Variants in ALDH1A2 observed in about 807,000 individuals in gnomAD.
ALDH1A2 encodes aldehyde dehydrogenase 1 family member A2, also known as retinal dehydrogenase 2.
A neutral mutation model predicts 60.3 loss-of-function variants in ALDH1A2; 27 were observed. That is an observed-to-expected ratio of 0.45 (90% CI 0.33 to 0.62). The LOEUF (loss-of-function observed/expected upper bound fraction) is 0.62, where lower values mean the gene tolerates loss of function less well. Among genes scored for constraint, ALDH1A2 ranks in the 20% least tolerant of loss-of-function variants. The pLI, the probability that ALDH1A2 is intolerant of heterozygous loss-of-function variation, is 0.02. For synonymous variants in ALDH1A2, 289 were observed against 232.4 expected (o/e 1.24, Z -2.21); for missense variants, 581 against 643.8 (o/e 0.90, Z 1.06).
chr15:58,024,634 A>G (rs982829785), intron 1 of ALDH1A2, among the ~76,000 whole-genome samples: 1 of 152,214 alleles, frequency 6.6e-6, no homozygotes. Flanking sequence ...CCTCACTGTC[A>G]GCACTAGACA....
intron 8 of ALDH1A2, 26 bp downstream of exon 8, chr15:57,965,699 A>G (rs2140454655): frequency 2.0e-6 from 3 of 1,521,890 alleles, no homozygotes; most frequent in Non-Finnish European, 2.7e-6. Context: ...GTGGTGGTTC[A>G]TGTATGGGAC....
rs1022278246 is a variant in ALDH1A2 at position 57,953,442 on chromosome 15, T to C, written c.*1755A>G. The C allele has an allele frequency of 2.6e-5, 4 of 152,764 alleles. No individual in the cohort carries two copies. Among genetic ancestry groups the C allele is most frequent in the Admixed American group, 6.5e-5 (1 of 15,282 alleles). The allele number at this position is 152,764 out of a possible 1,614,324, so 9.5% of individuals were successfully genotyped here. A position where few individuals can be genotyped will look rare whatever the true frequency, so the allele number is the denominator to read the frequency against. On this transcript the variant is annotated 3_prime_UTR_variant, in exon 13 of 13. Transcript: ENST00000249750. ...AATCCCAAGGAGTACACAATATAAA[T>C]GCTTTATTGCTAGCACAGAGGTTTC...
intron 7 of ALDH1A2, among the ~76,000 whole-genome samples, chr15:57,968,206 C>T (rs1235736867): frequency 6.6e-6 from 1 of 152,192 alleles, no homozygotes; most frequent in African/African-American, 2.4e-5. Flanking sequence ...TACTGGAATT[C>T]ACAAACATAT....
intron 7 of ALDH1A2, among the ~76,000 whole-genome samples, chr15:57,976,431 G>T (rs994116714): frequency 3.3e-5 from 5 of 151,894 alleles, no homozygotes; most frequent in African/African-American, 1.2e-4. Flanking sequence ...CCCCTAGCCC[G>T]ACAGGCCCCG....
At chr15:57,979,354 C>T (rs1030405701) in intron 7 of ALDH1A2, among the ~76,000 whole-genome samples, 16 of 152,172 alleles carry the variant, frequency 1.1e-4, no homozygotes, top group Admixed American at 5.2e-4. Context: ...ACAAACTGAT[C>T]GGCTGACAAA....
At chr15:58,014,664 G>T (rs1446773355) in intron 1 of ALDH1A2, among the ~76,000 whole-genome samples, 3 of 152,214 alleles carry the variant, frequency 2.0e-5, no homozygotes, top group African/African-American at 7.2e-5. Context: ...TCAAGCCTTA[G>T]ATCCTACTTT....
chr15:57,991,950 CTG>C (rs1192077234), intron 7 of ALDH1A2, among the ~76,000 whole-genome samples: 33 of 152,290 alleles, frequency 2.2e-4, no homozygotes, highest in Admixed American at 7.2e-4. Context: ...ACTTGTGACT[CTG>C]TAACAGGGAT....
chr15:58,048,080 A>C (rs1896678691), intron 1 of ALDH1A2, among the ~76,000 whole-genome samples: 1 of 152,052 alleles, frequency 6.6e-6, no homozygotes, highest in Non-Finnish European at 1.5e-5. Flanking sequence ...ACTTATGCTG[A>C]GTCCTAAGCT....
At chr15:58,026,495 G>A (rs746816248) in intron 1 of ALDH1A2, among the ~76,000 whole-genome samples, 21 of 152,130 alleles carry the variant, frequency 1.4e-4, no homozygotes, top group Non-Finnish European at 2.4e-4. Flanking sequence ...TAAGGTACCC[G>A]GTTCATTTCA....
At chr15:57,995,401 A>G (rs1269421083) in intron 4 of ALDH1A2, among the ~76,000 whole-genome samples, 5 of 152,066 alleles carry the variant, frequency 3.3e-5, no homozygotes, top group African/African-American at 9.7e-5. Flanking sequence ...TTATGATACA[A>G]GAAGTCCTCA....
At chr15:57,991,885 A>G (rs1249230989) in intron 7 of ALDH1A2, among the ~76,000 whole-genome samples, 1 of 152,168 alleles carries the variant, frequency 6.6e-6, no homozygotes, top group East Asian at 1.9e-4. Flanking sequence ...CTTTCCTATC[A>G]TCTGTTACCT....
At position 58,032,637 on chromosome 15, in the gene ALDH1A2, A is replaced by T. The variant is rs112242520; in HGVS notation, c.118-18356T>A. ...TGTATGTGGATTTCTCAAAAAACTG[A>T]AAATAGAACTACCATTTGATCAAGC... On this transcript the variant is annotated intron_variant, in intron 1 of 12. Transcript: ENST00000249750. Among the ~76,000 whole-genome samples, 841 of 152,204 alleles carry T rather than the reference A, an allele frequency of 5.5e-3. 4 individuals carry two copies. Among genetic ancestry groups the T allele is most frequent in the Middle Eastern group, 0.017 (5 of 294 alleles).
At chr15:58,013,671 G>A (rs1262115863) in intron 3 of ALDH1A2, among the ~76,000 whole-genome samples, 187 bp downstream of exon 3, 1 of 152,172 alleles carries the variant, frequency 6.6e-6, no homozygotes. Flanking sequence ...AGAATCGCTT[G>A]TACCTGGGAG....
intron 1 of ALDH1A2, among the ~76,000 whole-genome samples, chr15:58,033,683 T>C (rs1896302269): frequency 2.6e-5 from 1 of 38,672 alleles, no homozygotes; most frequent in Admixed American, 3.8e-4. Context: ...GTTAGGACTC[T>C]TTTTTTTTTT....
intron 4 of ALDH1A2, among the ~76,000 whole-genome samples, chr15:58,001,034 T>TAAAA (rs10641902): frequency 0.079 from 10,002 of 126,012 alleles, 537 homozygotes; most frequent in Admixed American, 0.12. Context: ...TCAAAATTGT[T>TAAAA]AAAAAAAAAA....
chr15:58,024,576 T>C (rs1933512177), intron 1 of ALDH1A2, among the ~76,000 whole-genome samples: 1 of 152,126 alleles, frequency 6.6e-6, no homozygotes, highest in South Asian at 2.1e-4. Context: ...CAAATATTAC[T>C]AGATCTAAAT....
intron 3 of ALDH1A2, among the ~76,000 whole-genome samples, chr15:58,012,957 C>T (rs1194816733): frequency 6.6e-6 from 1 of 152,064 alleles, no homozygotes; most frequent in Non-Finnish European, 1.5e-5. Flanking sequence ...TGCATACATT[C>T]CTAAATGCTT....
At chr15:57,977,622 T>C (rs1022562120) in intron 7 of ALDH1A2, among the ~76,000 whole-genome samples, 1 of 152,234 alleles carries the variant, frequency 6.6e-6, no homozygotes, top group Admixed American at 6.5e-5. Context: ...TGTAACCTTG[T>C]AGTAAAGTTT....
At chr15:57,995,755 A>G (rs1263422212) in intron 4 of ALDH1A2, among the ~76,000 whole-genome samples, 2 of 152,112 alleles carry the variant, frequency 1.3e-5, no homozygotes, top group African/African-American at 4.8e-5. Flanking sequence ...TCTGCCCCCA[A>G]ACTAGACATA....
Sources: allele counts gnomAD v4.1 joint callset (sites outside exome capture counted in the v4.1 genomes callset), GRCh38; gene constraint gnomAD v4.1.1; transcripts MANE v1.5; gene names NCBI Gene and HGNC (gene_info 2026-07-23, HGNC 2026-07-21).